Variants in MME observed in about 807,000 individuals in gnomAD.
The protein encoded by MME is neprilysin.
Under a neutral mutation model 113.2 loss-of-function variants are expected in MME, and 98 were observed. That is an observed-to-expected ratio of 0.87 (90% CI 0.74 to 1.02). MME has a LOEUF of 1.02. Ranked by LOEUF, MME falls within the 50% of genes least tolerant of loss-of-function variation. The probability of loss-of-function intolerance (pLI) is 0.00; values close to 1 mark genes in which losing one functional copy is unlikely to be tolerated. For missense variants in MME, 836 were observed against 896.0 expected, an observed-to-expected ratio of 0.93 and a Z score of 0.86; for synonymous variants, 292 against 300.6, an observed-to-expected ratio of 0.97 and a Z score of 0.30.
intron 1 of MME, among the ~76,000 whole-genome samples, chr3:155,059,514 A>G (rs2108134274): frequency 6.6e-6 from 1 of 152,280 alleles, no homozygotes; most frequent in Admixed American, 6.5e-5. Flanking sequence ...CCAGGATTCC[A>G]CAATTAGTAA....
At chr3:155,048,371 C>T (rs1433775566) in intron 1 of MME, among the ~76,000 whole-genome samples, 1 of 152,114 alleles carries the variant, frequency 6.6e-6, no homozygotes, top group Non-Finnish European at 1.5e-5. Flanking sequence ...TTGCTCTCTT[C>T]TACAATCTGT....
At chr3:155,039,161 GA>G (rs1429093570) in intron 1 of MME, among the ~76,000 whole-genome samples, 2 of 152,142 alleles carry the variant, frequency 1.3e-5, no homozygotes, top group South Asian at 2.1e-4. Flanking sequence ...GCAAGAGGAG[GA>G]AAAATAGCCC....
At chr3:155,111,391 AG>A (rs1296703485) in intron 3 of MME, among the ~76,000 whole-genome samples, 2 of 152,128 alleles carry the variant, frequency 1.3e-5, no homozygotes, top group African/African-American at 4.8e-5. Flanking sequence ...CGGTGGTCAA[AG>A]GGAAATTTTA....
At chr3:155,151,108 T>A (rs974445326) in intron 16 of MME, among the ~76,000 whole-genome samples, 5 of 152,204 alleles carry the variant, frequency 3.3e-5, no homozygotes, top group Non-Finnish European at 5.9e-5. Context: ...TTACTCTTTT[T>A]TCTTTTCTCT....
At chr3:155,072,235 C>T (rs951756144) in intron 1 of MME, among the ~76,000 whole-genome samples, 4 of 151,108 alleles carry the variant, frequency 2.6e-5, no homozygotes, top group African/African-American at 4.8e-5. Context: ...TTGCCTCCAT[C>T]CTTTCCCATC....
At chr3:155,065,667 T>C (rs185574389) in intron 1 of MME, among the ~76,000 whole-genome samples, 1 of 152,316 alleles carries the variant, frequency 6.6e-6, no homozygotes, top group Admixed American at 6.5e-5. Context: ...AGGTTAAGTT[T>C]TGGATTGCCT....
intron 22 of MME, among the ~76,000 whole-genome samples, chr3:155,176,093 T>C: frequency 6.6e-6 from 1 of 152,196 alleles, no homozygotes; most frequent in East Asian, 1.9e-4. Context: ...TATTCCTGAA[T>C]GAAGGCAGTT....
intron 15 of MME, among the ~76,000 whole-genome samples, chr3:155,147,774 A>G (rs1288932044): frequency 1.3e-5 from 2 of 152,214 alleles, no homozygotes; most frequent in African/African-American, 4.8e-5. Flanking sequence ...CTAACTCTGC[A>G]GTCACCACAA....
chr3:155,080,744 G>C (rs996555050), intron 1 of MME, among the ~76,000 whole-genome samples: 1 of 152,122 alleles, frequency 6.6e-6, no homozygotes, highest in Non-Finnish European at 1.5e-5. Context: ...TCCCTCTTTA[G>C]CTTCTCGATC....
intron 15 of MME, 44 bp downstream of exon 15, chr3:155,147,268 C>T: frequency 8.3e-7 from 1 of 1,208,502 alleles, no homozygotes; most frequent in Non-Finnish European, 1.2e-6. Context: ...ATACTTAGGG[C>T]TGGTAGTAGT....
chr3:155,061,511 A>G (rs1018695852), intron 1 of MME, among the ~76,000 whole-genome samples: 4 of 151,956 alleles, frequency 2.6e-5, no homozygotes, highest in Non-Finnish European at 4.4e-5. Flanking sequence ...CTGGGACAGG[A>G]AGTGACAGAG....
Position 155,105,741 on chromosome 3 carries a change from A to C in MME, c.197-9253A>C, listed in dbSNP as rs541656699. Among the ~76,000 whole-genome samples, 3 of 152,326 alleles carry C rather than the reference A, an allele frequency of 2.0e-5. No homozygotes were observed. In the South Asian group the frequency reaches 6.2e-4, roughly 32 times the overall value. On this transcript the variant is annotated intron_variant, in intron 3 of 22. Coordinates refer to ENST00000360490, the MANE Select transcript of MME (RefSeq NM_007289.4). ...ATGGGGACACAAATATAGTTACCAT[A>C]CAAGGTTAAAAGAAAACAAACATTA... is the stretch of plus-strand genomic sequence containing the variant.
At chr3:155,116,612 G>A in intron 5 of MME, 52 bp from the exon 6 acceptor site, 2 of 1,112,938 alleles carry the variant, frequency 1.8e-6, no homozygotes, top group Non-Finnish European at 2.5e-6. Context: ...ATATATTGGT[G>A]CCAAACTATG....
chr3:155,156,646 G>A (rs938439666), intron 16 of MME, among the ~76,000 whole-genome samples: 5 of 152,082 alleles, frequency 3.3e-5, no homozygotes, highest in South Asian at 2.1e-4. Flanking sequence ...AGAAAACTTC[G>A]AAGTCTTGAT....
intron 3 of MME, among the ~76,000 whole-genome samples, chr3:155,106,496 C>T (rs1164398944): frequency 6.6e-6 from 1 of 152,150 alleles, no homozygotes; most frequent in Non-Finnish European, 1.5e-5. Flanking sequence ...TTAGAGTCTA[C>T]GTGCTTGCTA....
At chr3:155,167,572 G>A (rs2108364265) in intron 18 of MME, among the ~76,000 whole-genome samples, 1 of 152,088 alleles carries the variant, frequency 6.6e-6, no homozygotes, top group East Asian at 1.9e-4. Context: ...GAGGAATAAA[G>A]ACGTGAAATA....
At chr3:155,060,829 CAGAGAG>C (rs138935329) in intron 1 of MME, among the ~76,000 whole-genome samples, 194 of 137,726 alleles carry the variant, frequency 1.4e-3, no homozygotes, top group African/African-American at 4.0e-3. Flanking sequence ...TGCAGAGAGG[CAGAGAG>C]AGAGAGAGAG....
At chr3:155,111,911 C>T (rs1353571250) in intron 3 of MME, among the ~76,000 whole-genome samples, 1 of 152,142 alleles carries the variant, frequency 6.6e-6, no homozygotes, top group Non-Finnish European at 1.5e-5. Context: ...GTAGTTAGCA[C>T]TTCTTTCAGG....
chr3:155,132,073 A>C (rs890858304), intron 8 of MME, among the ~76,000 whole-genome samples: 1 of 152,160 alleles, frequency 6.6e-6, no homozygotes, highest in Non-Finnish European at 1.5e-5. Context: ...AACATTGGTA[A>C]GAGCTAGGTG....
Sources: gnomAD v4.1 joint callset for allele counts (sites outside exome capture counted in the v4.1 genomes callset) on GRCh38, gnomAD v4.1.1 for gene constraint, MANE v1.5 for transcripts, NCBI Gene and HGNC (gene_info 2026-07-23, HGNC 2026-07-21) for gene names.